The following NLRP11 variants were observed in gnomAD, a reference collection of about 807,000 sequenced individuals.
NLRP11 encodes NACHT, LRR and PYD domains-containing protein 11.
NLRP11 carries 53 observed loss-of-function variants against 79.3 expected under a neutral mutation model. That is an observed-to-expected ratio of 0.67 (90% CI 0.54 to 0.84). The LOEUF is 0.84. Ranked by LOEUF, NLRP11 falls within the 40% of genes least tolerant of loss-of-function variation. NLRP11 has a pLI of 0.00. For missense variants in NLRP11, 1,264 were observed against 1,255.0 expected (o/e 1.01, Z -0.11); for synonymous variants, 518 against 462.6 (o/e 1.12, Z -1.54).
At position 55,810,070 on chromosome 19, in the gene NLRP11, G is replaced by A. The variant is rs926371352; in HGVS notation, c.540C>T (p.Ile180=). 5.6e-6 allele frequency: 9 copies of A among 1,613,990 alleles called. No individual in the cohort carries two copies. The Admixed American group carries it at 1.3e-4, about 24-fold the overall frequency. Residue 180 remains isoleucine (I), a synonymous_variant, in exon 3 of 10, where the codon ATC becomes ATT. Transcript: ENST00000589093. The stretch of plus-strand genomic sequence containing the variant: ...GAGCAGTGAGGTGAACGACGTACGA[G>A]ATCATGTTCTGCCACATCTCACCCT...
intron 7 of NLRP11, among the ~76,000 whole-genome samples, chr19:55,790,121 C>T (rs932009503): frequency 2.6e-5 from 4 of 152,136 alleles, no homozygotes; most frequent in East Asian, 1.9e-4. Context: ...CTCAAATGTC[C>T]CCTTGTCAAT....
intron 2 of NLRP11, 59 bp downstream of exon 2, chr19:55,817,845 C>T: frequency 8.6e-7 from 1 of 1,162,716 alleles, no homozygotes; most frequent in Non-Finnish European, 1.2e-6. Flanking sequence ...AAAGGCCCAA[C>T]ACCCAGCTTC....
At chr19:55,808,961 T>A (rs566668337) in exon 3 of NLRP11, 2 of 1,614,118 alleles carry the variant, frequency 1.2e-6, no homozygotes, top group South Asian at 2.2e-5. Context: ...CCGATTCTCA[T>A]AGAGACAGTA....
intron 1 of NLRP11, among the ~76,000 whole-genome samples, chr19:55,821,203 T>TCACACACACA (rs1211992513): frequency 9.5e-4 from 108 of 113,248 alleles, no homozygotes; most frequent in Middle Eastern, 4.5e-3. Flanking sequence ...TCTCTCTCTC[T>TCACACACACA]CTCACACACA....
chr19:55,813,464 C>T (rs1005373872), intron 2 of NLRP11, among the ~76,000 whole-genome samples: 1 of 152,154 alleles, frequency 6.6e-6, no homozygotes, highest in Non-Finnish European at 1.5e-5. Context: ...AATTCCAAAG[C>T]TCCATTTGAG....
chr19:55,835,558 G>A (rs1286303614), upstream of NLRP11, among the ~76,000 whole-genome samples: 2 of 140,634 alleles, frequency 1.4e-5, no homozygotes, highest in Admixed American at 7.2e-5. Flanking sequence ...AAAATTAGCC[G>A]AGGCCAGGCA....
At chr19:55,805,043 C>T (rs562017904) in intron 4 of NLRP11, among the ~76,000 whole-genome samples, 1 of 152,082 alleles carries the variant, frequency 6.6e-6, no homozygotes, top group South Asian at 2.1e-4. Context: ...GCCTGGGTGA[C>T]AGAGCAAGAC....
intron 9 of NLRP11, 106 bp from the exon 10 acceptor site, chr19:55,785,977 AG>A: frequency 1.6e-6 from 2 of 1,232,770 alleles, no homozygotes; most frequent in Non-Finnish European, 2.3e-6. Context: ...TATTCTTGGG[AG>A]TATCTCAAGC....
intron 6 of NLRP11, among the ~76,000 whole-genome samples, chr19:55,795,138 T>G (rs1978703938): frequency 6.6e-6 from 1 of 152,144 alleles, no homozygotes; most frequent in Non-Finnish European, 1.5e-5. Flanking sequence ...TTTTGCCACT[T>G]TTTTGCCATC....
At chr19:55,815,114 T>C (rs1980970250) in intron 2 of NLRP11, among the ~76,000 whole-genome samples, 2 of 138,764 alleles carry the variant, frequency 1.4e-5, no homozygotes, top group African/African-American at 6.5e-5. Context: ...AAATTCAGGT[T>C]ACAAAAAAAA....
intron 1 of NLRP11, among the ~76,000 whole-genome samples, chr19:55,824,125 A>G (rs919938197): frequency 8.1e-6 from 1 of 122,702 alleles, no homozygotes; most frequent in Non-Finnish European, 1.6e-5. Flanking sequence ...TCTTAAAGAA[A>G]AGAATTTTCA....
intron 1 of NLRP11, among the ~76,000 whole-genome samples, chr19:55,820,051 G>A (rs1017699949): frequency 1.3e-5 from 2 of 152,106 alleles, no homozygotes; most frequent in African/African-American, 2.4e-5. Context: ...CCTGAGTTTT[G>A]CAGCATTGCT....
chr19:55,804,656 T>C (rs1026100862), intron 4 of NLRP11, among the ~76,000 whole-genome samples: 10 of 152,112 alleles, frequency 6.6e-5, no homozygotes, highest in African/African-American at 2.4e-4. Flanking sequence ...CTAGGCTTAG[T>C]AGCTGGGCGT....
At chr19:55,826,959 C>G (rs1982293410) in intron 1 of NLRP11, among the ~76,000 whole-genome samples, 6 of 139,044 alleles carry the variant, frequency 4.3e-5, no homozygotes, top group East Asian at 4.5e-4. Context: ...ATTGCCAAGT[C>G]AATCCTAAGC....
At chr19:55,808,773 C>T (rs768551315) in exon 3 of NLRP11, 4 of 1,604,314 alleles carry the variant, frequency 2.5e-6, no homozygotes, top group Non-Finnish European at 3.4e-6. Context: ...ACTCACCTAG[C>T]AGTTGGCCTT....
chr19:55,801,456 G>C (rs1979465161), intron 5 of NLRP11, 116 bp downstream of exon 5: 1 of 743,016 alleles, frequency 1.3e-6, no homozygotes, highest in African/African-American at 1.7e-5. Context: ...AAAAATTGAG[G>C]AATGAGTGAC....
chr19:55,814,426 C>T (rs1980891242), intron 2 of NLRP11, among the ~76,000 whole-genome samples: 1 of 152,078 alleles, frequency 6.6e-6, no homozygotes, highest in Admixed American at 6.6e-5. Flanking sequence ...CCCTTCTAGT[C>T]CATGGAAAAA....
chr19:55,810,793 C>T (rs950435922), intron 2 of NLRP11, among the ~76,000 whole-genome samples: 5 of 152,188 alleles, frequency 3.3e-5, no homozygotes, highest in Admixed American at 6.5e-5. Context: ...CCACTGCGCC[C>T]GGCCCATATT....
At position 55,802,689 on chromosome 19, in the gene NLRP11, A is replaced by C. The variant is rs554385886; in HGVS notation, c.2004-950T>G. On this transcript the variant is annotated intron_variant, in intron 4 of 9. Transcript: ENST00000589093. Reference sequence around the variant, plus strand: ...TAAAGTTCATATAGAACAAAAAAAGAGCCCCAATACCCAAGACAATCAATC... The same window carrying C: ...TAAAGTTCATATAGAACAAAAAAAGCGCCCCAATACCCAAGACAATCAATC... Among the ~76,000 whole-genome samples, 4 of 152,346 alleles carry C rather than the reference A, an allele frequency of 2.6e-5. No individual in the cohort carries two copies. The South Asian group carries it at 8.3e-4, about 32-fold the overall frequency.
Sources: allele counts gnomAD v4.1 joint callset (sites outside exome capture counted in the v4.1 genomes callset), GRCh38; gene constraint gnomAD v4.1.1; transcripts MANE v1.5; gene names NCBI Gene and HGNC (gene_info 2026-07-23, HGNC 2026-07-21).